The following FSIP1 variants were observed in gnomAD, a reference collection of about 807,000 sequenced individuals.
The protein encoded by FSIP1 is fibrous sheath-interacting protein 1.
FSIP1 carries 65 observed loss-of-function variants against 60.9 expected under a neutral mutation model. The ratio of observed to expected loss-of-function variants is 1.07; its 90% CI spans 0.87 to 1.31. The LOEUF (loss-of-function observed/expected upper bound fraction) is 1.31. Ranked by LOEUF, FSIP1 falls within the 40% of genes most tolerant of loss-of-function variation. The pLI, the probability that FSIP1 is intolerant of heterozygous loss-of-function variation, is 0.00. For missense variants in FSIP1, 675 were observed against 665.5 expected, an observed-to-expected ratio of 1.01 and a Z score of -0.16; for synonymous variants, 209 against 221.2, an observed-to-expected ratio of 0.94 and a Z score of 0.49.
intron 9 of FSIP1, among the ~76,000 whole-genome samples, chr15:39,723,927 G>C (rs1333232974): frequency 6.6e-6 from 1 of 152,200 alleles, no homozygotes; most frequent in East Asian, 1.9e-4. Flanking sequence ...GCTGGTTTTA[G>C]TTAGAAATGA....
At chr15:39,602,176 A>G (rs1188456713) in intron 11 of FSIP1, among the ~76,000 whole-genome samples, 1 of 152,174 alleles carries the variant, frequency 6.6e-6, no homozygotes, top group Non-Finnish European at 1.5e-5. Context: ...CCCTATATTC[A>G]ATAAGAAGTG....
intron 2 of FSIP1, among the ~76,000 whole-genome samples, chr15:39,771,481 C>T (rs1462337707): frequency 1.3e-5 from 2 of 152,194 alleles, no homozygotes; most frequent in Admixed American, 1.3e-4. Flanking sequence ...ATGGACAGTG[C>T]TGAGAATGAA....
chr15:39,741,946 A>G (rs201328692), intron 5 of FSIP1, 46 bp from the exon 6 acceptor site: 1 of 935,206 alleles, frequency 1.1e-6, no homozygotes, highest in South Asian at 1.5e-5. Flanking sequence ...AAAATAAATT[A>G]AGTAGTTGTC....
intron 11 of FSIP1, among the ~76,000 whole-genome samples, chr15:39,608,220 T>A (rs1459408595): frequency 6.6e-6 from 1 of 152,224 alleles, no homozygotes; most frequent in Non-Finnish European, 1.5e-5. Context: ...TTAATCATAG[T>A]CACAGGGTTA....
intron 10 of FSIP1, among the ~76,000 whole-genome samples, chr15:39,644,555 G>T (rs1366421519): frequency 6.6e-6 from 1 of 152,148 alleles, no homozygotes; most frequent in African/African-American, 2.4e-5. Flanking sequence ...AATTGCCCAT[G>T]ATTTGCTTTA....
At chr15:39,777,267 C>T (rs577644149) in intron 1 of FSIP1, among the ~76,000 whole-genome samples, 3 of 152,150 alleles carry the variant, frequency 2.0e-5, no homozygotes, top group African/African-American at 7.2e-5. Flanking sequence ...CAGCCTTCTT[C>T]CCTCTCAGCT....
rs201479053 is a variant in FSIP1, at chr15:39,751,598, CAA to C, written c.560-9700_560-9699del. Among the ~76,000 whole-genome samples, 5 of 142,820 alleles carry C rather than the reference CAA, an allele frequency of 3.5e-5. No homozygotes were observed. The East Asian group carries it at 1.0e-3, about 29-fold the overall frequency. The allele number at this position is 142,820 out of a possible 152,430, so 93.7% of individuals were successfully genotyped here. A position where few individuals can be genotyped will look rare whatever the true frequency, so the allele number is the denominator to read the frequency against. ...CATGATCTCACTTATATGTGGAATC[CAA>C]AAAAAAAAGTCAAATTTACAGAGAA... On this transcript the variant is annotated intron_variant, in intron 5 of 11. Coordinates refer to ENST00000350221, the MANE Select transcript of FSIP1 (RefSeq NM_152597.5).
chr15:39,767,041 G>A (rs781579245), intron 3 of FSIP1, among the ~76,000 whole-genome samples: 1 of 151,924 alleles, frequency 6.6e-6, no homozygotes, highest in South Asian at 2.1e-4. Flanking sequence ...TAGAGATGGG[G>A]GTCTCACTAT....
chr15:39,667,700 A>T (rs1893553836), intron 10 of FSIP1, among the ~76,000 whole-genome samples: 1 of 152,188 alleles, frequency 6.6e-6, no homozygotes, highest in Non-Finnish European at 1.5e-5. Context: ...AATCTATTCC[A>T]GGGATCAGGG....
Position 39,765,155 on chromosome 15 carries a change from C to G in FSIP1, c.465+437G>C, listed in dbSNP as rs922479499. 2.6e-5 allele frequency among the ~76,000 whole-genome samples: 4 copies of G among 151,986 alleles called. No individual in the cohort carries two copies. The East Asian group carries it at 7.7e-4, about 29-fold the overall frequency. ...TACACACATATACATACCACTGCCA[C>G]TACCTCCACAAAATAAAGCAATCAA... On this transcript the variant is annotated intron_variant, in intron 4 of 11. Coordinates refer to ENST00000350221, the MANE Select transcript of FSIP1 (RefSeq NM_152597.5).
intron 10 of FSIP1, among the ~76,000 whole-genome samples, chr15:39,649,112 G>C (rs936254462): frequency 6.6e-6 from 1 of 152,122 alleles, no homozygotes; most frequent in East Asian, 1.9e-4. Flanking sequence ...GACTGGACAC[G>C]ATTTCAGTCT....
chr15:39,657,163 T>G (rs1006601530), intron 10 of FSIP1, among the ~76,000 whole-genome samples: 1 of 152,178 alleles, frequency 6.6e-6, no homozygotes, highest in African/African-American at 2.4e-5. Flanking sequence ...TTTGCTACCC[T>G]CTGAGACAAG....
At chr15:39,771,799 A>G (rs1897897592) in intron 2 of FSIP1, among the ~76,000 whole-genome samples, 1 of 152,180 alleles carries the variant, frequency 6.6e-6, no homozygotes, top group Non-Finnish European at 1.5e-5. Flanking sequence ...CTGTTCAAAA[A>G]CATATTTCTG....
At chr15:39,667,609 A>G (rs1893548578) in intron 10 of FSIP1, among the ~76,000 whole-genome samples, 2 of 152,206 alleles carry the variant, frequency 1.3e-5, no homozygotes, top group African/African-American at 2.4e-5. Flanking sequence ...GAAACAGACA[A>G]TCACACAAAG....
rs9806647 is a variant in FSIP1, at chr15:39,615,562, C to T, written c.1699+2173G>A. On this transcript the variant is annotated intron_variant, in intron 11 of 11. Transcript: ENST00000350221. ...TGTAAATTAAAATCAAAACGAGATG[C>T]TACATCACACCTGTTATAACAACTA... Among the ~76,000 whole-genome samples the T allele has an allele frequency of 6.6e-5, 10 of 151,668 alleles. No individual in the cohort carries two copies. In the South Asian group the frequency reaches 2.1e-3, roughly 32 times the overall value.
intron 8 of FSIP1, among the ~76,000 whole-genome samples, chr15:39,737,245 T>C (rs568072493): frequency 6.6e-6 from 1 of 152,256 alleles, no homozygotes; most frequent in African/African-American, 2.4e-5. Flanking sequence ...GCCCTATAAA[T>C]ACCTGCGTTT....
chr15:39,680,479 G>A (rs773996770), intron 10 of FSIP1, among the ~76,000 whole-genome samples: 6 of 152,158 alleles, frequency 3.9e-5, no homozygotes, highest in Admixed American at 6.5e-5. Flanking sequence ...ATGGTCACAT[G>A]ACTAAGATTT....
At position 39,638,748 on chromosome 15, in the gene FSIP1, C is replaced by A. The variant is rs1002388532; in HGVS notation, c.1189-20503G>T. On this transcript the variant is annotated intron_variant, in intron 10 of 11. Transcript: ENST00000350221. ...GGAAAAGAAGGTAATAACAAGGAGG[C>A]AAACAGGGAACCAAAGAGACTATAC... Among the ~76,000 whole-genome samples the A allele has an allele frequency of 3.3e-5, 5 of 152,030 alleles. No homozygotes were observed. The East Asian group carries it at 9.7e-4, about 29-fold the overall frequency.
chr15:39,737,280 CT>C (rs1274852898), intron 8 of FSIP1, among the ~76,000 whole-genome samples: 2 of 152,140 alleles, frequency 1.3e-5, no homozygotes, highest in East Asian at 3.9e-4. Context: ...CCATTACATG[CT>C]GTTCCCCTCT....
Sources: gnomAD v4.1 joint callset for allele counts (sites outside exome capture counted in the v4.1 genomes callset) on GRCh38, gnomAD v4.1.1 for gene constraint, MANE v1.5 for transcripts, NCBI Gene and HGNC (gene_info 2026-07-23, HGNC 2026-07-21) for gene names.